The following SCN11A variants were observed in gnomAD, a reference collection of about 807,000 sequenced individuals.
SCN11A encodes the protein sodium channel protein type 11 subunit alpha.
In SCN11A, 122 loss-of-function variants were observed where a neutral mutation model predicts 162.2. The observed-to-expected ratio is 0.75, with a 90% CI of 0.65 to 0.87. The LOEUF is 0.87. Among genes scored for constraint, SCN11A ranks in the 40% least tolerant of loss-of-function variants. The pLI is 0.00. For synonymous variants in SCN11A, 758 were observed against 751.5 expected (o/e 1.01, Z -0.14); for missense variants, 2,015 against 2,181.6 (o/e 0.92, Z 1.52).
chr3:38,974,333 T>C (rs28514269), intron 2 of SCN11A, among the ~76,000 whole-genome samples: 10,532 of 152,028 alleles, frequency 0.069, 1,164 homozygotes, highest in African/African-American at 0.23. Flanking sequence ...TAAACCAAAA[T>C]ATGGCACAGG....
intron 1 of SCN11A, among the ~76,000 whole-genome samples, 49 bp downstream of exon 1, chr3:39,051,812 C>A (rs1265666628): frequency 6.6e-6 from 1 of 152,148 alleles, no homozygotes; most frequent in African/African-American, 2.4e-5. Flanking sequence ...TGGCTCTCTC[C>A]CCATCAGCAT....
intron 26 of SCN11A, 83 bp from the exon 27 acceptor site, chr3:38,867,541 A>G (rs766929663): frequency 6.5e-6 from 7 of 1,073,438 alleles, no homozygotes; most frequent in Non-Finnish European, 8.1e-6. Context: ...CTAGAAGACC[A>G]AGGTGTTTCT....
intron 28 of SCN11A, among the ~76,000 whole-genome samples, chr3:38,860,794 G>C (rs886953888): frequency 6.6e-6 from 1 of 152,090 alleles, no homozygotes; most frequent in South Asian, 2.1e-4. Context: ...TACTGAACAG[G>C]TAATGGTTGA....
At chr3:38,968,495 T>C (rs1353251236) in intron 2 of SCN11A, among the ~76,000 whole-genome samples, 1 of 152,252 alleles carries the variant, frequency 6.6e-6, no homozygotes. Flanking sequence ...CTTCCCTTCA[T>C]ACATTCTAAA....
At position 38,961,948 on chromosome 3, in the gene SCN11A, A is replaced by G. The variant is rs137964841; in HGVS notation, c.-279-1525T>C. Among the ~76,000 whole-genome samples, 1,224 of 152,322 alleles carry G rather than the reference A, an allele frequency of 8.0e-3. 20 individuals are homozygous for G. The highest frequency in any genetic ancestry group is 0.028 in the African/African-American group (1,175 of 41,558). ...GGTCATGAAATTCTTGCCTAAGCCAATGTCTAGAAGGGATTTTCCAACGTT... is the reference window on the plus strand; with the variant it reads ...GGTCATGAAATTCTTGCCTAAGCCAGTGTCTAGAAGGGATTTTCCAACGTT... On this transcript the variant is annotated intron_variant, in intron 2 of 29. Coordinates refer to ENST00000302328, the MANE Select transcript of SCN11A (RefSeq NM_001349253.2).
At chr3:38,985,784 G>A (rs1327603785) in intron 2 of SCN11A, among the ~76,000 whole-genome samples, 1 of 150,944 alleles carries the variant, frequency 6.6e-6, no homozygotes, top group Non-Finnish European at 1.5e-5. Flanking sequence ...TCAAAACTTA[G>A]TGGCTTAAAA....
In SCN11A at chr3:38,953,687, T is replaced by G. The variant is rs984371617; in HGVS notation, c.-66A>C. On this transcript the variant is annotated 5_prime_UTR_variant, in exon 4 of 30. Coordinates refer to ENST00000302328, the MANE Select transcript of SCN11A (RefSeq NM_001349253.2). ...TGTGGCCACTCACTGAGACAGAGAG[T>G]GCAAGAAAAGGAGGGCACTGCGAGG... Among the ~76,000 whole-genome samples the G allele has an allele frequency of 6.6e-6, 1 of 150,594 alleles. No homozygotes were observed. The highest frequency in any genetic ancestry group is 2.4e-5 in the African/African-American group (1 of 40,846).
chr3:38,920,684 C>CAA lies in SCN11A; in HGVS notation c.892+390_892+391dup, dbSNP rs36096755. Among the ~76,000 whole-genome samples the CAA allele has an allele frequency of 9.7e-3, 540 of 55,898 alleles. 19 individuals carry two copies. The highest frequency in any genetic ancestry group is 0.03 in the African/African-American group (491 of 16,190). 36.7% of individuals were successfully genotyped at this position (55,898 alleles called of 152,430 possible). A position where few individuals can be genotyped will look rare whatever the true frequency, so the allele number is the denominator to read the frequency against. Reference sequence around the variant, plus strand: ...CTGGTGACAGAGCTAGACTCCATCTCAAAAAAAAAAAAAAAAAAAAGACGT... The same window carrying CAA: ...CTGGTGACAGAGCTAGACTCCATCTCAAAAAAAAAAAAAAAAAAAAAAGACGT... On this transcript the variant is annotated intron_variant, in intron 10 of 29. Transcript: ENST00000302328.
At chr3:38,933,012 CCT>C (rs1319483298) in intron 7 of SCN11A, among the ~76,000 whole-genome samples, 2 of 152,210 alleles carry the variant, frequency 1.3e-5, no homozygotes, top group African/African-American at 4.8e-5. Flanking sequence ...GCCGGGTACT[CCT>C]CTGAGACAAA....
chr3:38,967,252 C>T (rs931948051), intron 2 of SCN11A, among the ~76,000 whole-genome samples: 1 of 152,158 alleles, frequency 6.6e-6, no homozygotes, highest in Non-Finnish European at 1.5e-5. Context: ...ACAGGGCTGA[C>T]GTGTGTAAAC....
At position 38,847,519 on chromosome 3, in the gene SCN11A, G is replaced by T; in HGVS notation, c.4551C>A (p.Asn1517Lys). Residue 1517 changes from asparagine to lysine, a missense_variant, in exon 30 of 30, where the codon AAC becomes AAA. Coordinates refer to ENST00000302328, the MANE Select transcript of SCN11A (RefSeq NM_001349253.2). ...IMFIYAILGM[N>K]WFSKVNPESG... ...ACTCTGGATTCACTTTGGAAAACCA[G>T]TTCATACCCAGAATGGCATAGATAA... 1 of 1,614,132 alleles carries T rather than the reference G, an allele frequency of 6.2e-7. No homozygotes were observed. The highest frequency in any genetic ancestry group is 8.5e-7 in the Non-Finnish European group (1 of 1,179,998).
intron 2 of SCN11A, among the ~76,000 whole-genome samples, chr3:38,995,287 A>G: frequency 6.6e-6 from 1 of 151,692 alleles, no homozygotes; most frequent in East Asian, 1.9e-4. Flanking sequence ...TGCCCAGCTA[A>G]TTTTTTGTAT....
At chr3:39,016,366 C>T (rs1304760270) in intron 2 of SCN11A, among the ~76,000 whole-genome samples, 4 of 152,186 alleles carry the variant, frequency 2.6e-5, no homozygotes, top group Non-Finnish European at 4.4e-5. Flanking sequence ...TTGCCTGAAA[C>T]ACCCTGTCAG....
chr3:38,907,180 T>C (rs1392113994), intron 14 of SCN11A, among the ~76,000 whole-genome samples: 1 of 151,940 alleles, frequency 6.6e-6, no homozygotes, highest in Non-Finnish European at 1.5e-5. Flanking sequence ...TTGAGGACTT[T>C]CTCTAATGAT....
chr3:38,971,437 G>T (rs753487663), intron 2 of SCN11A, among the ~76,000 whole-genome samples: 1 of 152,128 alleles, frequency 6.6e-6, no homozygotes, highest in African/African-American at 2.4e-5. Context: ...GGCAGGTAAA[G>T]GGCCTTACTA....
At chr3:38,942,149 G>A (rs1384383313) in intron 7 of SCN11A, among the ~76,000 whole-genome samples, 2 of 152,126 alleles carry the variant, frequency 1.3e-5, no homozygotes, top group South Asian at 4.2e-4. Flanking sequence ...ACATCAGGAG[G>A]ATAATAATAA....
At chr3:38,892,733 G>T (rs576517436) in intron 19 of SCN11A, among the ~76,000 whole-genome samples, 1 of 152,018 alleles carries the variant, frequency 6.6e-6, no homozygotes, top group South Asian at 2.1e-4. Context: ...ACAAAAACAG[G>T]AGAGAGGAAA....
At chr3:38,920,998 G>T in intron 10 of SCN11A, 78 bp downstream of exon 10, 2 of 1,336,708 alleles carry the variant, frequency 1.5e-6, no homozygotes, top group Non-Finnish European at 2.1e-6. Context: ...TAAGGGAAGT[G>T]TGAAGGCAGG....
At chr3:38,934,587 G>T (rs1298292264) in intron 7 of SCN11A, among the ~76,000 whole-genome samples, 1 of 151,998 alleles carries the variant, frequency 6.6e-6, no homozygotes, top group Non-Finnish European at 1.5e-5. Flanking sequence ...CCTAGTCTCT[G>T]ATAAAACAGA....
Sources: allele counts gnomAD v4.1 joint callset (sites outside exome capture counted in the v4.1 genomes callset), GRCh38; gene constraint gnomAD v4.1.1; transcripts MANE v1.5; gene names NCBI Gene and HGNC (gene_info 2026-07-23, HGNC 2026-07-21).